Variants in OPA1 observed in about 807,000 individuals in gnomAD.
The protein encoded by OPA1 is dynamin-like GTPase OPA1, mitochondrial.
A neutral mutation model predicts 152.9 loss-of-function variants in OPA1; 59 were observed. The observed-to-expected ratio is 0.39, with a 90% CI of 0.31 to 0.48. OPA1 has a LOEUF of 0.48. Among genes scored for constraint, OPA1 ranks in the 20% least tolerant of loss-of-function variants. The probability of loss-of-function intolerance (pLI) is 0.96; values close to 1 mark genes in which losing one functional copy is unlikely to be tolerated. For synonymous variants in OPA1, 400 were observed against 389.9 expected, an observed-to-expected ratio of 1.03 and a Z score of -0.31; for missense variants, 1,008 against 1,216.8, an observed-to-expected ratio of 0.83 and a Z score of 2.55.
chr3:193,677,937 C>T (rs1719456610), intron 29 of OPA1, among the ~76,000 whole-genome samples: 1 of 152,176 alleles, frequency 6.6e-6, no homozygotes, highest in Admixed American at 6.5e-5. Context: ...TTGGGGGATT[C>T]ACAGTGAATT....
chr3:193,659,341 CAT>C (rs1284889167), intron 24 of OPA1, 139 bp from the exon 25 acceptor site: 2 of 715,436 alleles, frequency 2.8e-6, no homozygotes, highest in African/African-American at 1.8e-5. Flanking sequence ...CCATATCAGT[CAT>C]GTGGGTTTTT....
chr3:193,628,065 C>A (rs539027561), intron 7 of OPA1, among the ~76,000 whole-genome samples: 1 of 152,194 alleles, frequency 6.6e-6, no homozygotes, highest in East Asian at 1.9e-4. Flanking sequence ...CCTGTAGTTA[C>A]TATAGAGATG....
chr3:193,678,945 T>A (rs748006212), intron 29 of OPA1, among the ~76,000 whole-genome samples: 6 of 152,186 alleles, frequency 3.9e-5, no homozygotes, highest in Non-Finnish European at 5.9e-5. Context: ...TCTACTGAAG[T>A]TGTTTTTTTT....
At chr3:193,630,793 T>C (rs1731956967) in intron 7 of OPA1, among the ~76,000 whole-genome samples, 2 of 152,202 alleles carry the variant, frequency 1.3e-5, no homozygotes, top group South Asian at 4.1e-4. Context: ...ATCATTTTTA[T>C]TATATTTTGT....
In OPA1 at chr3:193,618,853, C is replaced by T; in HGVS notation, c.611-16C>T. On this transcript the variant is annotated splice_polypyrimidine_tract_variant and intron_variant, in intron 5 of 30. Transcript: ENST00000361510. ...CATCACTGGAGAATGTAAAGGGTTG[C>T]ATATTTATCTTTAAGGTTCTCCGGA... 1 of 1,603,470 alleles carries T rather than the reference C, an allele frequency of 6.2e-7. No individual in the cohort carries two copies. Among genetic ancestry groups the T allele is most frequent in the Non-Finnish European group, 8.5e-7 (1 of 1,170,396 alleles).
chr3:193,688,428 T>TTTTACTGAAATGGGTCTTTTC (rs1721211483), intron 29 of OPA1, among the ~76,000 whole-genome samples: 1 of 145,580 alleles, frequency 6.9e-6, no homozygotes, highest in Admixed American at 7.0e-5. Flanking sequence ...GTTCCCTGAT[T>TTTTACTGAAATGGGTCTTTTC]TTTACTGAAA....
intron 29 of OPA1, among the ~76,000 whole-genome samples, chr3:193,667,670 CA>C (rs35232250): frequency 0.055 from 5,123 of 93,274 alleles, 272 homozygotes; most frequent in African/African-American, 0.18. Context: ...GATTCTGTCT[CA>C]AAAAAAAAAA....
At chr3:193,645,151 G>A (rs1000471068) in intron 16 of OPA1, among the ~76,000 whole-genome samples, 1 of 152,072 alleles carries the variant, frequency 6.6e-6, no homozygotes, top group Admixed American at 6.6e-5. Context: ...AGAAAGTATG[G>A]AAAAATAATA....
intron 1 of OPA1, among the ~76,000 whole-genome samples, chr3:193,606,268 A>C (rs1209345859): frequency 6.6e-6 from 1 of 152,050 alleles, no homozygotes; most frequent in African/African-American, 2.4e-5. Flanking sequence ...TGACTTAAAA[A>C]AATTTTTTTT....
chr3:193,664,748 A>G lies in OPA1; in HGVS notation c.2662-132A>G, dbSNP rs147172077. ...AGTGAATAAAAAAATTTGAATAACT[A>G]TGTAAAGAATAACCTTGCTTTTGCT... On this transcript the variant is annotated intron_variant, in intron 26 of 30. Coordinates refer to ENST00000361510, the MANE Select transcript of OPA1 (RefSeq NM_130837.3). The G allele has an allele frequency of 3.2e-4, 207 of 641,514 alleles. No individual in the cohort carries two copies. The East Asian group carries it at 5.2e-3, about 16-fold the overall frequency. The allele number at this position is 641,514 out of a possible 1,614,324, so 39.7% of individuals were successfully genotyped here. A position where few individuals can be genotyped will look rare whatever the true frequency, so the allele number is the denominator to read the frequency against.
chr3:193,694,161 A>G (rs900026300), intron 30 of OPA1, among the ~76,000 whole-genome samples: 1 of 152,232 alleles, frequency 6.6e-6, no homozygotes, highest in African/African-American at 2.4e-5. Flanking sequence ...TTTACAAAGT[A>G]TCTTGTGATC....
rs13083209 is a variant in OPA1 at position 193,676,980 on chromosome 3, A to G, written c.2983+9700A>G. 7.5e-3 allele frequency among the ~76,000 whole-genome samples: 308 copies of G among 40,896 alleles called. 3 individuals carry two copies. The highest frequency in any genetic ancestry group is 9.9e-3 in the Non-Finnish European group (193 of 19,452). 26.8% of individuals were successfully genotyped at this position (40,896 alleles called of 152,430 possible). On this transcript the variant is annotated intron_variant, in intron 29 of 30. Transcript: ENST00000361510. ...TGGGTGACAGAGCAAGACTCGTCTC[A>G]AAAAAAAAAAAAAAAAAAAAAAAAG... is the stretch of plus-strand genomic sequence containing the variant.
intron 25 of OPA1, among the ~76,000 whole-genome samples, chr3:193,662,594 C>T (rs1715542381): frequency 1.3e-5 from 2 of 152,096 alleles, no homozygotes; most frequent in African/African-American, 4.8e-5. Context: ...AGGGCTAATC[C>T]CTGGGTTTTC....
chr3:193,636,291 A>T (rs1193646282), intron 9 of OPA1, among the ~76,000 whole-genome samples: 1 of 151,404 alleles, frequency 6.6e-6, no homozygotes, highest in Non-Finnish European at 1.5e-5. Context: ...TGGCACTTAG[A>T]ACTGAGAAAA....
chr3:193,666,193 T>G, intron 27 of OPA1, 103 bp from the exon 28 acceptor site: 1 of 963,024 alleles, frequency 1.0e-6, no homozygotes, highest in South Asian at 1.3e-5. Flanking sequence ...GAGTACTTTT[T>G]AAGCTTAGGA....
At chr3:193,659,806 T>G (rs887359707) in intron 25 of OPA1, among the ~76,000 whole-genome samples, 1 of 152,186 alleles carries the variant, frequency 6.6e-6, no homozygotes, top group Non-Finnish European at 1.5e-5. Context: ...TGTGGTTGAT[T>G]ACATTGTTCA....
At chr3:193,594,600 C>T (rs1272683558) in intron 1 of OPA1, among the ~76,000 whole-genome samples, 3 of 152,140 alleles carry the variant, frequency 2.0e-5, no homozygotes, top group African/African-American at 4.8e-5. Context: ...TTTGGCCAGG[C>T]TGGTCTCGAA....
At chr3:193,637,862 C>A in intron 10 of OPA1, 90 bp from the exon 11 acceptor site, 1 of 1,071,554 alleles carries the variant, frequency 9.3e-7, no homozygotes, top group Non-Finnish European at 1.4e-6. Context: ...TTTTAAAAGA[C>A]TAAAAAACTC....
chr3:193,684,817 A>G (rs1720711257), intron 29 of OPA1, among the ~76,000 whole-genome samples: 1 of 152,176 alleles, frequency 6.6e-6, no homozygotes, highest in Non-Finnish European at 1.5e-5. Context: ...TAGAATTGCC[A>G]TCCACTTAAG....
Sources: gnomAD v4.1 joint callset for allele counts (sites outside exome capture counted in the v4.1 genomes callset) on GRCh38, gnomAD v4.1.1 for gene constraint, MANE v1.5 for transcripts, NCBI Gene and HGNC (gene_info 2026-07-23, HGNC 2026-07-21) for gene names.